The following BSN variants were observed in gnomAD, a reference collection of about 807,000 sequenced individuals.
The protein encoded by BSN is protein bassoon.
BSN carries 57 observed loss-of-function variants against 264.8 expected under a neutral mutation model. The observed-to-expected ratio is 0.22, with a 90% confidence interval of 0.17 to 0.27. The LOEUF (loss-of-function observed/expected upper bound fraction) is 0.27, where lower values mean the gene tolerates loss of function less well. Among genes scored for constraint, BSN ranks in the 10% least tolerant of loss-of-function variants. BSN has a pLI of 1.00. For synonymous variants in BSN, 2,059 were observed against 2,137.3 expected, an observed-to-expected ratio of 0.96 and a Z score of 1.01; for missense variants, 4,615 against 5,232.5, an observed-to-expected ratio of 0.88 and a Z score of 3.64.
intron 1 of BSN, among the ~76,000 whole-genome samples, chr3:49,595,034 G>T (rs2108027522): frequency 6.6e-6 from 1 of 151,902 alleles, no homozygotes; most frequent in South Asian, 2.1e-4. Context: ...AGGACCACAG[G>T]CGTGCACCAT....
chr3:49,566,320 G>C (rs1028648346), intron 1 of BSN, among the ~76,000 whole-genome samples: 43 of 152,192 alleles, frequency 2.8e-4, no homozygotes, highest in Admixed American at 2.8e-3. Flanking sequence ...TCCTCTTGAA[G>C]TTATTTTCTT....
In BSN at chr3:49,667,962, T is replaced by C. The variant is rs2052724034; in HGVS notation, c.*477T>C. ...GATGCCAGAAGTTTTTCCACAGCCT[T>C]GGAGAGGGGCTTTGACTGAGGGCTG... is the stretch of plus-strand genomic sequence containing the variant. On this transcript the variant is annotated 3_prime_UTR_variant, in exon 12 of 12. Transcript: ENST00000296452. 1.3e-5 allele frequency: 2 copies of C among 152,462 alleles called. No homozygotes were observed. Among genetic ancestry groups the C allele is most frequent in the African/African-American group, 4.8e-5 (2 of 41,368 alleles). 9.4% of individuals were successfully genotyped at this position (152,462 alleles called of 1,614,324 possible).
At chr3:49,590,322 TA>T (rs1383740210) in intron 1 of BSN, among the ~76,000 whole-genome samples, 1 of 151,814 alleles carries the variant, frequency 6.6e-6, no homozygotes, top group East Asian at 1.9e-4. Flanking sequence ...TTGGATTCTT[TA>T]AAAAAAACAA....
chr3:49,651,506 C>G lies in BSN; in HGVS notation c.1987-37C>G. The stretch of plus-strand genomic sequence containing the variant: ...ATTGGGTTCCCACCACGAGCTTTGC[C>G]ATGGGGAGTCAGTGTCTGCTTTTCA... On this transcript the variant is annotated intron_variant, in intron 4 of 11. Transcript: ENST00000296452. The surrounding 1 kb of genome is among the most constrained non-coding windows in gnomAD (Gnocchi z 5.4). 6.5e-7 allele frequency: 1 copy of G among 1,529,016 alleles called. No homozygotes were observed. The highest frequency in any genetic ancestry group is 8.8e-7 in the Non-Finnish European group (1 of 1,136,974). The allele number at this position is 1,529,016 out of a possible 1,614,324, so 94.7% of individuals were successfully genotyped here.
At position 49,654,874 on chromosome 3, in the gene BSN, A is replaced by T. The variant is rs1394684790; in HGVS notation, c.5318A>T (p.Gln1773Leu). The T allele has an allele frequency of 2.5e-6, 4 of 1,613,458 alleles. No individual in the cohort carries two copies. The highest frequency in any genetic ancestry group is 3.4e-6 in the Non-Finnish European group (4 of 1,179,962). Residue 1773 changes from glutamine to leucine, a missense_variant, in exon 5 of 12, where the codon CAG becomes CTG. Gln to Leu is a moderately radical substitution (Grantham distance 113). Coordinates refer to ENST00000296452, the MANE Select transcript of BSN (RefSeq NM_003458.4). The surrounding 1 kb of genome is among the most constrained non-coding windows in gnomAD (Gnocchi z 4.1). ...GGGGGTAGCCCTGTGTGCCTGGCCC[A>T]GGTCAAACAAGTAGAGCAGGCTGTC... is the stretch of plus-strand genomic sequence containing the variant. Reference protein sequence around the residue: ...QGGGSPVCLAQVKQVEQAVQT... With the variant: ...QGGGSPVCLALVKQVEQAVQT...
intron 1 of BSN, among the ~76,000 whole-genome samples, chr3:49,607,931 G>A (rs974404387): frequency 2.6e-5 from 4 of 152,226 alleles, no homozygotes; most frequent in Admixed American, 1.3e-4. Flanking sequence ...CCAGGCCTTC[G>A]TGGCTGTTAC....
At chr3:49,594,564 G>A (rs1253578698) in intron 1 of BSN, among the ~76,000 whole-genome samples, 1 of 152,104 alleles carries the variant, frequency 6.6e-6, no homozygotes, top group Non-Finnish European at 1.5e-5. Flanking sequence ...GTAGTATACT[G>A]TTTTTATTAC....
At position 49,654,535 on chromosome 3, in the gene BSN, C is replaced by T. The variant is rs1212439534; in HGVS notation, c.4979C>T (p.Thr1660Ile). The stretch of plus-strand genomic sequence containing the variant: ...TCTAGGGTTGAGCCAGGCCCCAGGA[C>T]CCCTGGCACTGCAGTGGTAGACCTC... ...GTSRVEPGPR[T>I]PGTAVVDLRT... The change falls in exon 5 of 12, where the codon ACC (threonine) becomes ATC (isoleucine). Residue 1660 changes from threonine (T) to isoleucine (I), a missense_variant. Around this residue, in one of 3 missense-constraint regions of BSN, gnomAD observed 3,415 missense variants for 3,866.4 expected, o/e 0.88. Coordinates refer to ENST00000296452, the MANE Select transcript of BSN (RefSeq NM_003458.4). This position sits in a 1 kb window ranked among gnomAD's most constrained non-coding sequence, Gnocchi z 4.1. 2 of 1,610,632 alleles carry T rather than the reference C, an allele frequency of 1.2e-6. No homozygotes were observed. The highest frequency in any genetic ancestry group is 1.3e-5 in the African/African-American group (1 of 75,014).
chr3:49,557,577 T>G (rs1027452163), intron 1 of BSN, among the ~76,000 whole-genome samples: 2 of 143,414 alleles, frequency 1.4e-5, no homozygotes, highest in Non-Finnish European at 3.0e-5. Context: ...ACCTGTCAGT[T>G]TTTTTTTTTT....
At chr3:49,563,390 C>G (rs1341359751) in intron 1 of BSN, among the ~76,000 whole-genome samples, 1 of 152,222 alleles carries the variant, frequency 6.6e-6, no homozygotes, top group African/African-American at 2.4e-5. Flanking sequence ...GAGTGTTGTT[C>G]CACCTACTTC....
At chr3:49,647,100 G>A (rs1390303039) in intron 3 of BSN, among the ~76,000 whole-genome samples, 5 of 152,198 alleles carry the variant, frequency 3.3e-5, no homozygotes, top group Non-Finnish European at 7.4e-5. Context: ...TGACTGGAAC[G>A]GTGTCACCAT....
intron 1 of BSN, among the ~76,000 whole-genome samples, chr3:49,613,303 CGA>C (rs752108805): frequency 0.11 from 5,413 of 47,304 alleles, 302 homozygotes; most frequent in Non-Finnish European, 0.15. Flanking sequence ...ACACACAGAG[CGA>C]GAGAGAGAGA....
Position 49,651,773 on chromosome 3 carries a change from C to T in BSN, c.2217C>T (p.Gly739=), listed in dbSNP as rs752543539. The T allele has an allele frequency of 5.0e-6, 8 of 1,613,282 alleles. No individual in the cohort carries two copies. The Admixed American group carries it at 1.3e-4, about 27-fold the overall frequency. ...SSMRPLLQAQ[G]LAPSERSKPL... ...TGCGGCCTTTGCTGCAGGCCCAGGG[C>T]CTGGCCCCAAGTGAGCGGAGCAAGC... The change falls in exon 5 of 12, where the codon GGC becomes GGT. Residue 739 remains glycine, a synonymous_variant. Coordinates refer to ENST00000296452, the MANE Select transcript of BSN (RefSeq NM_003458.4). This position sits in a 1 kb window ranked among gnomAD's most constrained non-coding sequence, Gnocchi z 5.4.
chr3:49,594,297 AT>A (rs2052004013), intron 1 of BSN, among the ~76,000 whole-genome samples: 1 of 152,072 alleles, frequency 6.6e-6, no homozygotes. Context: ...AGATCCTGAA[AT>A]TTTTCCTAAC....
Position 49,669,422 on chromosome 3 carries a change from T to TC in BSN, c.*1939dup, listed in dbSNP as rs1424367819. 1 of 152,674 alleles carries TC rather than the reference T, an allele frequency of 6.5e-6. No homozygotes were observed. The highest frequency in any genetic ancestry group is 1.5e-5 in the Non-Finnish European group (1 of 68,100). The allele number at this position is 152,674 out of a possible 1,614,324, so 9.5% of individuals were successfully genotyped here. ...TATCTGTCTGTCTGTCATTTTCCCTTCCTACCCCAACCCTGAGCCAGAGGC... is the reference window on the plus strand; with the variant it reads ...TATCTGTCTGTCTGTCATTTTCCCTTCCCTACCCCAACCCTGAGCCAGAGGC... On this transcript the variant is annotated 3_prime_UTR_variant, in exon 12 of 12. Transcript: ENST00000296452.
At chr3:49,559,696 T>G (rs115902428) in intron 1 of BSN, among the ~76,000 whole-genome samples, 1,758 of 152,354 alleles carry the variant, frequency 0.012, 34 homozygotes, top group African/African-American at 0.041. Context: ...CAGTTTATTA[T>G]TAGAGAACTA....
At chr3:49,589,652 G>T (rs1490815907) in intron 1 of BSN, among the ~76,000 whole-genome samples, 1 of 149,956 alleles carries the variant, frequency 6.7e-6, no homozygotes, top group African/African-American at 2.5e-5. Context: ...GACTACAGGC[G>T]CATGCCACCA....
chr3:49,601,662 G>T (rs896070204), intron 1 of BSN, among the ~76,000 whole-genome samples: 1 of 152,168 alleles, frequency 6.6e-6, no homozygotes, highest in Non-Finnish European at 1.5e-5. Context: ...CCATGGTGTC[G>T]CTTTCAGAGT....
At chr3:49,606,289 T>TATATATATTAAAAATATATATATA (rs2052148828) in intron 1 of BSN, among the ~76,000 whole-genome samples, 1 of 27,976 alleles carries the variant, frequency 3.6e-5, no homozygotes, top group South Asian at 1.0e-3. Context: ...AAATATATAT[T>TATATATATTAAAAATATATATATA]ATATATATTA....
Sources: gnomAD v4.1 joint callset for allele counts (sites outside exome capture counted in the v4.1 genomes callset) on GRCh38, gnomAD v4.1.1 for gene constraint, gnomAD v4.1.1 regional missense constraint, Gnocchi (gnomAD v3.1) non-coding constraint, MANE v1.5 for transcripts, NCBI Gene and HGNC (gene_info 2026-07-23, HGNC 2026-07-21) for gene names.